ATP8A1: variants seen among roughly 807,000 people sequenced by gnomAD.
ATP8A1 encodes the protein ATPase phospholipid transporting 8A1, also known as phospholipid-transporting ATPase IA.
A neutral mutation model predicts 177.7 loss-of-function variants in ATP8A1; 90 were observed. The ratio of observed to expected loss-of-function variants is 0.51; its 90% CI spans 0.43 to 0.60. ATP8A1 has a LOEUF of 0.60. ATP8A1 is among the 20% of genes least tolerant of loss of function. The pLI is 0.00. For missense variants in ATP8A1, 1,072 were observed against 1,392.8 expected (o/e 0.77, Z 3.67); for synonymous variants, 493 against 485.9 (o/e 1.01, Z -0.19).
chr4:42,473,649 A>T (rs1157623494), intron 25 of ATP8A1, among the ~76,000 whole-genome samples: 2 of 151,680 alleles, frequency 1.3e-5, no homozygotes, highest in Non-Finnish European at 2.9e-5. Context: ...AATTAAATTG[A>T]TAAATTAATT....
intron 1 of ATP8A1, among the ~76,000 whole-genome samples, chr4:42,638,516 T>C (rs998021916): frequency 1.3e-5 from 2 of 152,188 alleles, no homozygotes; most frequent in African/African-American, 4.8e-5. Flanking sequence ...GTCAATCTTG[T>C]TGGCAGCCAG....
At chr4:42,617,220 GCATACA>G (rs1179930649) in intron 4 of ATP8A1, among the ~76,000 whole-genome samples, 2 of 152,200 alleles carry the variant, frequency 1.3e-5, no homozygotes, top group East Asian at 1.9e-4. Flanking sequence ...AGAGCTGGCA[GCATACA>G]CTCAGTCTGT....
chr4:42,636,154 A>ACGCGCGTGCGCGCG lies in ATP8A1; in HGVS notation c.50-9046_50-9045insCGCGCGCACGCGCG, dbSNP rs765930469. The stretch of plus-strand genomic sequence containing the variant: ...CACACACACACACACACACACACAC[A>ACGCGCGTGCGCGCG]CACGCACACACACACACATAAGCTT... On this transcript the variant is annotated intron_variant, in intron 1 of 36. Coordinates refer to ENST00000381668, the MANE Select transcript of ATP8A1 (RefSeq NM_006095.2). Among the ~76,000 whole-genome samples, 441 of 47,592 alleles carry ACGCGCGTGCGCGCG rather than the reference A, an allele frequency of 9.3e-3. 7 individuals are homozygous for ACGCGCGTGCGCGCG. Among genetic ancestry groups the ACGCGCGTGCGCGCG allele is most frequent in the South Asian group, 0.057 (76 of 1,336 alleles). The allele number at this position is 47,592 out of a possible 152,430, so 31.2% of individuals were successfully genotyped here. A position where few individuals can be genotyped will look rare whatever the true frequency, so the allele number is the denominator to read the frequency against.
At chr4:42,548,969 A>T in intron 19 of ATP8A1, 44 bp downstream of exon 19, 9 of 1,453,508 alleles carry the variant, frequency 6.2e-6, no homozygotes, top group Non-Finnish European at 8.5e-6. Flanking sequence ...AAAAATGGAT[A>T]TAAATTTATC....
At chr4:42,475,504 A>G (rs1249639502) in intron 25 of ATP8A1, among the ~76,000 whole-genome samples, 13 of 151,930 alleles carry the variant, frequency 8.6e-5, no homozygotes, top group African/African-American at 2.4e-4. Flanking sequence ...AAAAAAAAAA[A>G]AAATTCAGGA....
intron 33 of ATP8A1, among the ~76,000 whole-genome samples, chr4:42,435,426 C>CAA (rs55945370): frequency 1.2e-3 from 109 of 93,922 alleles, no homozygotes; most frequent in South Asian, 2.3e-3. Flanking sequence ...GACTTCATCT[C>CAA]AAAAAAAAAA....
At chr4:42,550,654 A>AG (rs1244656623) in intron 18 of ATP8A1, among the ~76,000 whole-genome samples, 1 of 152,146 alleles carries the variant, frequency 6.6e-6, no homozygotes, top group Non-Finnish European at 1.5e-5. Context: ...AAAAGTGGCC[A>AG]GGTGCAGTGG....
At chr4:42,552,813 T>C (rs1340605946) in intron 16 of ATP8A1, among the ~76,000 whole-genome samples, 1 of 152,150 alleles carries the variant, frequency 6.6e-6, no homozygotes, top group Non-Finnish European at 1.5e-5. Context: ...ACCCCGTCTC[T>C]ACTGAAAATA....
chr4:42,466,031 C>CAAAAAAAAAAAAAAA (rs57949092), intron 25 of ATP8A1, among the ~76,000 whole-genome samples: 1 of 108,100 alleles, frequency 9.3e-6, no homozygotes, highest in Non-Finnish European at 1.8e-5. Context: ...GACTCCGTCT[C>CAAAAAAAAAAAAAAA]AAAAAAAAAA....
chr4:42,563,717 A>G (rs13135410), intron 15 of ATP8A1, among the ~76,000 whole-genome samples: 27,870 of 152,168 alleles, frequency 0.18, 2,819 homozygotes, highest in East Asian at 0.36. Flanking sequence ...CATAACTAAA[A>G]GAGGCTAGTG....
At chr4:42,534,458 G>T (rs1727575790) in intron 20 of ATP8A1, among the ~76,000 whole-genome samples, 1 of 151,930 alleles carries the variant, frequency 6.6e-6, no homozygotes, top group Non-Finnish European at 1.5e-5. Context: ...ATCTGACAAA[G>T]ATAAAGAAAA....
chr4:42,500,188 A>G (rs1009621669), intron 24 of ATP8A1, among the ~76,000 whole-genome samples: 2 of 152,126 alleles, frequency 1.3e-5, no homozygotes, highest in African/African-American at 4.8e-5. Flanking sequence ...AACATGGTGA[A>G]ACCCCATCTC....
chr4:42,642,813 G>A (rs768340368), intron 1 of ATP8A1, among the ~76,000 whole-genome samples: 19 of 152,058 alleles, frequency 1.2e-4, no homozygotes, highest in Non-Finnish European at 2.4e-4. Flanking sequence ...CTGGTATACC[G>A]TGACCACTGC....
intron 29 of ATP8A1, among the ~76,000 whole-genome samples, chr4:42,454,192 G>A (rs933442186): frequency 6.6e-6 from 1 of 152,128 alleles, no homozygotes; most frequent in African/African-American, 2.4e-5. Context: ...ACATAGGCAC[G>A]CTGTGTTCGT....
chr4:42,468,799 A>C (rs979032259), intron 25 of ATP8A1, among the ~76,000 whole-genome samples: 1 of 152,240 alleles, frequency 6.6e-6, no homozygotes, highest in Non-Finnish European at 1.5e-5. Flanking sequence ...TGTTCCCTCA[A>C]AACCTATGGA....
intron 7 of ATP8A1, chr4:42,588,549 A>C (rs1174339023): frequency 2.2e-6 from 1 of 450,526 alleles, no homozygotes; most frequent in Non-Finnish European, 4.0e-6. Context: ...CCCAAAAGCA[A>C]TTTCCTGACA....
In ATP8A1 at chr4:42,485,578, T is replaced by G; in HGVS notation, c.2242A>C (p.Thr748Pro). 6.2e-7 allele frequency: 1 copy of G among 1,613,502 alleles called. No individual in the cohort carries two copies. Among genetic ancestry groups the G allele is most frequent in the Non-Finnish European group, 8.5e-7 (1 of 1,179,686 alleles). The part of the protein sequence containing the change: ...NDFALIIDGK[T>P]LKYALTFGVR... ...CCAAAGGTTAAGGCATATTTGAGGG[T>G]TTTCCCATCAATTATAAGAGCAAAA... Residue 748 changes from threonine to proline, a missense_variant, in exon 25 of 37, where the codon ACC becomes CCC. Physicochemically the swap from Thr to Pro is conservative, Grantham distance 38 (BLOSUM62 -1). This residue lies in a region of ATP8A1 where 388 missense variants were observed against 471.7 expected (regional missense o/e 0.82). Coordinates refer to ENST00000381668, the MANE Select transcript of ATP8A1 (RefSeq NM_006095.2).
chr4:42,482,738 C>T (rs957409088), intron 25 of ATP8A1, among the ~76,000 whole-genome samples: 1 of 152,150 alleles, frequency 6.6e-6, no homozygotes, highest in African/African-American at 2.4e-5. Context: ...ATGGAACTAA[C>T]ATGGAGACTC....
chr4:42,590,254 C>G (rs147047699), intron 7 of ATP8A1, among the ~76,000 whole-genome samples: 1 of 152,136 alleles, frequency 6.6e-6, no homozygotes, highest in Non-Finnish European at 1.5e-5. Context: ...GGATAAAAGT[C>G]GATCCCAAAG....
Sources: gnomAD v4.1 joint callset for allele counts (sites outside exome capture counted in the v4.1 genomes callset) on GRCh38, gnomAD v4.1.1 for gene constraint, gnomAD v4.1.1 regional missense constraint, MANE v1.5 for transcripts, NCBI Gene and HGNC (gene_info 2026-07-23, HGNC 2026-07-21) for gene names.